The following KRT40 variants were observed in gnomAD, a reference collection of about 807,000 sequenced individuals.
The protein encoded by KRT40 is keratin, type I cytoskeletal 40.
Under a neutral mutation model 43.5 loss-of-function variants are expected in KRT40, and 47 were observed. The observed-to-expected ratio is 1.08, with a 90% CI of 0.86 to 1.38. The LOEUF (loss-of-function observed/expected upper bound fraction) is 1.38, where lower values mean the gene tolerates loss of function less well. Ranked by LOEUF, KRT40 falls within the 40% of genes most tolerant of loss-of-function variation. The pLI is 0.00. For missense variants in KRT40, 573 were observed against 523.6 expected (o/e 1.09, Z -0.92); for synonymous variants, 212 against 214.0 (o/e 0.99, Z 0.08).
In KRT40 at chr17:40,978,215, A is replaced by G. The variant is rs746128603; in HGVS notation, c.1278T>C (p.Val426=). 20 of 1,613,626 alleles carry G rather than the reference A, an allele frequency of 1.2e-5. No individual in the cohort carries two copies. The Admixed American group carries it at 1.8e-4, about 15-fold the overall frequency. The change falls in exon 7 of 7, where the codon GTT becomes GTC. Residue 426 remains valine, a synonymous_variant. Transcript: ENST00000377755. ...TTAACATTCACAAGCAGCAGTTTTC[A>G]ACAGTGCAGATGACATAGGCTGAGC... The part of the protein sequence containing the change: ...EPCSAYVICT[V]ENCCL
chr17:40,979,465 G>A (rs887745067), intron 5 of KRT40, among the ~76,000 whole-genome samples: 16 of 150,614 alleles, frequency 1.1e-4, no homozygotes, highest in Non-Finnish European at 2.4e-4. Flanking sequence ...TCATGCCATT[G>A]CACTCCAGCC....
At position 40,978,831 on chromosome 17, in the gene KRT40, C is replaced by T. The variant is rs949723130; in HGVS notation, c.1169G>A (p.Trp390Ter). ...ARLEGEINTY[W>*]GLLDSEDSRL... ...GCTGTCCTCGCTGTCCAGCAGGCCC[C>T]AGTACGTGTTGATCTCACCCTCCAG... The change falls in exon 6 of 7, where the codon TGG (tryptophan) becomes TAG (stop). Residue 390 changes from tryptophan (W) to a stop codon, truncating the protein, a stop_gained. Transcript: ENST00000377755. LOFTEE classifies it low-confidence loss of function (END_TRUNC). The T allele has an allele frequency of 7.4e-6, 12 of 1,612,628 alleles. No individual in the cohort carries two copies. Among genetic ancestry groups the T allele is most frequent in the African/African-American group, 5.3e-5 (4 of 74,852 alleles).
Position 40,978,862 on chromosome 17 carries a change from C to T in KRT40, c.1138G>A (p.Ala380Thr), listed in dbSNP as rs1402360529. Residue 380 changes from alanine (A) to threonine (T), a missense_variant, in exon 6 of 7, where the codon GCC becomes ACC. Physicochemically the swap from Ala to Thr is moderately conservative, Grantham distance 58. Transcript: ENST00000377755. ...GTGTTGATCTCACCCTCCAGCCGGG[C>T]CTTCACGTCCAGGAGCACCTGGTAC... ...QEYQVLLDVKARLEGEINTYW... is the reference protein window; with the variant it reads ...QEYQVLLDVKTRLEGEINTYW... 5.0e-6 allele frequency: 8 copies of T among 1,613,518 alleles called. No individual in the cohort carries two copies. The highest frequency in any genetic ancestry group is 1.7e-5 in the Admixed American group (1 of 60,000).
intron 5 of KRT40, 43 bp from the exon 6 acceptor site, chr17:40,979,067 T>G: frequency 6.6e-7 from 1 of 1,518,614 alleles, no homozygotes; most frequent in Non-Finnish European, 9.1e-7. Flanking sequence ...AAGTGCAGTC[T>G]CTCGGGCCAG....
chr17:40,981,581 G>A (rs554504196), intron 3 of KRT40, among the ~76,000 whole-genome samples: 5 of 152,186 alleles, frequency 3.3e-5, no homozygotes, highest in South Asian at 2.1e-4. Context: ...TTATAAATGC[G>A]GAATATTTAA....
Position 40,979,100 on chromosome 17 carries a change from C to T in KRT40, c.976-76G>A. On this transcript the variant is annotated intron_variant, in intron 5 of 6. Transcript: ENST00000377755. ...CAGAGTGCCTACTTTCAAATTCCTG[C>T]TTACCCTTTTCTAGCTATGTGACCA... 6 of 1,168,596 alleles carry T rather than the reference C, an allele frequency of 5.1e-6. No individual in the cohort carries two copies. In the South Asian group the frequency reaches 8.3e-5, roughly 16 times the overall value. The allele number at this position is 1,168,596 out of a possible 1,614,324, so 72.4% of individuals were successfully genotyped here.
intron 1 of KRT40, 70 bp from the exon 2 acceptor site, chr17:40,983,198 T>TA: frequency 1.5e-6 from 1 of 673,164 alleles, no homozygotes; most frequent in Non-Finnish European, 2.6e-6. Context: ...ATCCAACAGC[T>TA]ATGCCATTAG....
intron 5 of KRT40, 31 bp from the exon 6 acceptor site, chr17:40,979,055 T>G: frequency 6.4e-7 from 1 of 1,567,922 alleles, no homozygotes; most frequent in Non-Finnish European, 8.8e-7. Flanking sequence ...CAAAGGACCA[T>G]GAAGTGCAGT....
chr17:40,982,575 C>T (rs1371367948), intron 2 of KRT40, 112 bp from the exon 3 acceptor site: 2 of 757,712 alleles, frequency 2.6e-6, no homozygotes, highest in East Asian at 2.9e-5. Flanking sequence ...CATAATTTCT[C>T]TTAATTCCTA....
chr17:40,978,266 G>A lies in KRT40; in HGVS notation c.1227C>T (p.Cys409=). 6.2e-7 allele frequency: 1 copy of A among 1,614,080 alleles called. No homozygotes were observed. The highest frequency in any genetic ancestry group is 1.1e-5 in the South Asian group (1 of 91,074). The change falls in exon 7 of 7, where the codon TGC becomes TGT. Residue 409 remains cysteine (C), a synonymous_variant. Coordinates refer to ENST00000377755, the MANE Select transcript of KRT40 (RefSeq NM_001389244.1). ...ATGGCTCACAAGTGTTGCTCGAGGT[G>A]CATGTGGTCGAACATGGGCTACAGG... is the stretch of plus-strand genomic sequence containing the variant. ...RLSCSPCSTT[C]TSSNTCEPCS... is the part of the protein sequence containing the mutation.
At chr17:40,978,524 G>A (rs183556811) in intron 6 of KRT40, among the ~76,000 whole-genome samples, 38 of 152,296 alleles carry the variant, frequency 2.5e-4, no homozygotes, top group East Asian at 1.9e-4. Flanking sequence ...TTTTGCAAAT[G>A]TTATCTTAGG....
chr17:40,983,341 T>G (rs139108587), intron 1 of KRT40, among the ~76,000 whole-genome samples: 5 of 152,318 alleles, frequency 3.3e-5, no homozygotes, highest in Admixed American at 1.3e-4. Context: ...AAAGGTTTAG[T>G]TTTTTAATAA....
At chr17:40,982,223 T>TTA in intron 3 of KRT40, 84 bp downstream of exon 3, 1 of 1,296,726 alleles carries the variant, frequency 7.7e-7, no homozygotes, top group Non-Finnish European at 1.0e-6. Context: ...CTGCCCAAAT[T>TTA]CGATTTACAA....
In KRT40 at chr17:40,983,194, C is replaced by T. The variant is rs543422825; in HGVS notation, c.448-66G>A. On this transcript the variant is annotated intron_variant, in intron 1 of 6. Transcript: ENST00000377755. The stretch of plus-strand genomic sequence containing the variant: ...GAAACCTAAGTAAACTTCTATCCAA[C>T]AGCTATGCCATTAGCTATCTTTTGA... 1.2e-4 allele frequency: 79 copies of T among 682,302 alleles called. No homozygotes were observed. In the African/African-American group the frequency reaches 1.4e-3, roughly 12 times the overall value. 42.3% of individuals were successfully genotyped at this position (682,302 alleles called of 1,614,324 possible). A position where few individuals can be genotyped will look rare whatever the true frequency, so the allele number is the denominator to read the frequency against.
At chr17:40,979,358 A>G (rs529507562) in intron 5 of KRT40, among the ~76,000 whole-genome samples, 1 of 152,092 alleles carries the variant, frequency 6.6e-6, no homozygotes, top group Non-Finnish European at 1.5e-5. Flanking sequence ...TACTAAAAAT[A>G]TAAAAAATTA....
rs746165831 is a variant in KRT40, at chr17:40,984,070, A to G, written c.204T>C (p.Cys68=). The change falls in exon 1 of 7, where the codon TGT becomes TGC. Residue 68 remains cysteine, a synonymous_variant. Coordinates refer to ENST00000377755, the MANE Select transcript of KRT40 (RefSeq NM_001389244.1). Reference sequence around the variant, plus strand: ...AGTTCCCCACCAAGCAGGGACTATTACAACTCCCAGTAAAGTAGCATGGCA... The same window carrying G: ...AGTTCCCCACCAAGCAGGGACTATTGCAACTCCCAGTAAAGTAGCATGGCA... The part of the protein sequence containing the change: ...CLLPCYFTGS[C]NSPCLVGNCA... The G allele has an allele frequency of 6.8e-6, 11 of 1,614,108 alleles. No homozygotes were observed. The East Asian group carries it at 2.5e-4, about 36-fold the overall frequency.
chr17:40,981,641 C>T (rs536633411), intron 3 of KRT40, among the ~76,000 whole-genome samples: 1 of 152,194 alleles, frequency 6.6e-6, no homozygotes, highest in African/African-American at 2.4e-5. Context: ...TTGAAATGGA[C>T]TTCACAGTCT....
At chr17:40,981,344 A>C in intron 3 of KRT40, 193 bp from the exon 4 acceptor site, 1 of 1,027,888 alleles carries the variant, frequency 9.7e-7, no homozygotes, top group Non-Finnish European at 1.5e-6. Flanking sequence ...GGACATAATA[A>C]TTGGACATTT....
chr17:40,986,601 T>C (rs1484155414), upstream of KRT40, among the ~76,000 whole-genome samples: 2 of 152,102 alleles, frequency 1.3e-5, no homozygotes, highest in African/African-American at 4.8e-5. Context: ...CTTGATAAAT[T>C]CTTCTTACCC....
Sources: gnomAD v4.1 joint callset for allele counts (sites outside exome capture counted in the v4.1 genomes callset) on GRCh38, gnomAD v4.1.1 for gene constraint, MANE v1.5 for transcripts, NCBI Gene and HGNC (gene_info 2026-07-23, HGNC 2026-07-21) for gene names.